The following MAGI2 variants were observed in gnomAD, a reference collection of about 807,000 sequenced individuals.
MAGI2 encodes the protein membrane-associated guanylate kinase, WW and PDZ domain-containing protein 2.
A neutral mutation model predicts 133.3 loss-of-function variants in MAGI2; 35 were observed. The ratio of observed to expected loss-of-function variants is 0.26; its 90% CI spans 0.20 to 0.35. The LOEUF is 0.35. Ranked by LOEUF, MAGI2 falls within the 10% of genes least tolerant of loss-of-function variation. The probability of loss-of-function intolerance (pLI) is 1.00; values close to 1 mark genes in which losing one functional copy is unlikely to be tolerated. For synonymous variants in MAGI2, 729 were observed against 710.6 expected (o/e 1.03, Z -0.41); for missense variants, 1,636 against 1,863.4 (o/e 0.88, Z 2.25).
intron 1 of MAGI2, among the ~76,000 whole-genome samples, chr7:79,310,744 G>C (rs1398001495): frequency 6.6e-6 from 1 of 152,080 alleles, no homozygotes; most frequent in African/African-American, 2.4e-5. Context: ...CCCATATCAA[G>C]TAAAATTTAT....
At chr7:79,235,355 A>C (rs1431758762) in intron 1 of MAGI2, among the ~76,000 whole-genome samples, 3 of 152,094 alleles carry the variant, frequency 2.0e-5, no homozygotes, top group African/African-American at 7.2e-5. Flanking sequence ...TTGTTTACCT[A>C]AGCAAGCCTG....
At chr7:78,604,499 A>T (rs74579519) in intron 3 of MAGI2, among the ~76,000 whole-genome samples, 1 of 152,200 alleles carries the variant, frequency 6.6e-6, no homozygotes, top group African/African-American at 2.4e-5. Flanking sequence ...TTCTAATGTA[A>T]TAAATGAAAT....
intron 3 of MAGI2, among the ~76,000 whole-genome samples, chr7:78,534,472 T>C (rs1797718305): frequency 6.6e-6 from 1 of 152,192 alleles, no homozygotes; most frequent in Admixed American, 6.5e-5. Context: ...TTTGTATATA[T>C]ATGTGTGTGT....
chr7:78,383,673 T>C (rs1207676561), intron 6 of MAGI2, among the ~76,000 whole-genome samples: 1 of 152,102 alleles, frequency 6.6e-6, no homozygotes, highest in African/African-American at 2.4e-5. Flanking sequence ...AATTCTTTTC[T>C]TAGACCAGTG....
At chr7:78,665,951 G>T (rs1813526252) in intron 2 of MAGI2, among the ~76,000 whole-genome samples, 1 of 152,066 alleles carries the variant, frequency 6.6e-6, no homozygotes, top group Non-Finnish European at 1.5e-5. Context: ...GTTATAGTAG[G>T]GTGATGTCAA....
chr7:79,043,892 G>A (rs996897440), intron 1 of MAGI2, among the ~76,000 whole-genome samples: 3 of 152,072 alleles, frequency 2.0e-5, no homozygotes, highest in Admixed American at 2.0e-4. Flanking sequence ...TGTGAATATT[G>A]AGTGTGAATA....
intron 2 of MAGI2, among the ~76,000 whole-genome samples, chr7:78,655,499 C>A (rs1247981759): frequency 7.6e-6 from 1 of 131,194 alleles, no homozygotes; most frequent in Non-Finnish European, 1.6e-5. Context: ...ATGCAGGTAA[C>A]CTGCTCTTAC....
intron 2 of MAGI2, among the ~76,000 whole-genome samples, chr7:78,663,106 A>G (rs375687308): frequency 6.6e-6 from 1 of 151,946 alleles, no homozygotes; most frequent in Non-Finnish European, 1.5e-5. Flanking sequence ...ACACACAAGC[A>G]TGTAAGCATT....
At chr7:78,832,373 A>C (rs1438962190) in intron 2 of MAGI2, among the ~76,000 whole-genome samples, 1 of 152,228 alleles carries the variant, frequency 6.6e-6, no homozygotes, top group Non-Finnish European at 1.5e-5. Flanking sequence ...AAATACATGA[A>C]TACATAAAAT....
At chr7:78,161,657 C>G (rs959533208) in intron 15 of MAGI2, among the ~76,000 whole-genome samples, 3 of 58,120 alleles carry the variant, frequency 5.2e-5, no homozygotes, top group African/African-American at 1.9e-4. Flanking sequence ...CGTTTTGTTA[C>G]ATCGATACCT....
chr7:78,586,319 G>T (rs1370368774), intron 3 of MAGI2, among the ~76,000 whole-genome samples: 1 of 152,148 alleles, frequency 6.6e-6, no homozygotes, highest in African/African-American at 2.4e-5. Flanking sequence ...AAGTAGAAAA[G>T]ACTGTGGACT....
chr7:78,391,855 C>A (rs1363981308), intron 6 of MAGI2, among the ~76,000 whole-genome samples: 1 of 152,140 alleles, frequency 6.6e-6, no homozygotes, highest in Non-Finnish European at 1.5e-5. Flanking sequence ...TTACCTGATT[C>A]CCACTGCAAT....
At chr7:79,248,397 T>C (rs1325950674) in intron 1 of MAGI2, among the ~76,000 whole-genome samples, 2 of 152,122 alleles carry the variant, frequency 1.3e-5, no homozygotes, top group Non-Finnish European at 2.9e-5. Context: ...GAGACAGAGA[T>C]AGACCCCAAT....
intron 2 of MAGI2, among the ~76,000 whole-genome samples, chr7:79,005,722 A>G (rs1807367812): frequency 6.6e-6 from 1 of 152,172 alleles, no homozygotes; most frequent in Non-Finnish European, 1.5e-5. Flanking sequence ...TGACAACATC[A>G]TAGCTTTGAA....
chr7:78,245,848 C>A (rs1252259027), intron 10 of MAGI2, among the ~76,000 whole-genome samples: 1 of 152,120 alleles, frequency 6.6e-6, no homozygotes, highest in Non-Finnish European at 1.5e-5. Flanking sequence ...CGGTGCCTTG[C>A]CCCCTGTGAC....
At chr7:78,799,363 A>G (rs533028953) in intron 2 of MAGI2, among the ~76,000 whole-genome samples, 1 of 152,310 alleles carries the variant, frequency 6.6e-6, no homozygotes, top group East Asian at 1.9e-4. Flanking sequence ...GAAGCAGGGG[A>G]GAGTCCTGAA....
At chr7:79,055,330 C>T (rs1813055305) in intron 1 of MAGI2, among the ~76,000 whole-genome samples, 1 of 151,596 alleles carries the variant, frequency 6.6e-6, no homozygotes, top group Non-Finnish European at 1.5e-5. Flanking sequence ...GAGGCAGTAA[C>T]TGTGTCTGGC....
intron 1 of MAGI2, among the ~76,000 whole-genome samples, chr7:79,145,576 G>T (rs1430738743): frequency 4.1e-5 from 6 of 147,128 alleles, no homozygotes; most frequent in Admixed American, 4.1e-4. Flanking sequence ...ATACAAGTTA[G>T]AAAAAAAAAA....
At chr7:79,268,472 C>A (rs769258711) in intron 1 of MAGI2, among the ~76,000 whole-genome samples, 2 of 152,136 alleles carry the variant, frequency 1.3e-5, no homozygotes, top group South Asian at 2.1e-4. Flanking sequence ...GCTTTCCTAG[C>A]GTTGGAAACG....
Sources: gnomAD v4.1 joint callset for allele counts (sites outside exome capture counted in the v4.1 genomes callset) on GRCh38, gnomAD v4.1.1 for gene constraint, MANE v1.5 for transcripts, NCBI Gene and HGNC (gene_info 2026-07-23, HGNC 2026-07-21) for gene names.